RAB27A: variants seen among roughly 807,000 people sequenced by gnomAD.
RAB27A encodes ras-related protein Rab-27A.
In RAB27A, 17 loss-of-function variants were observed where a neutral mutation model predicts 20.8. The ratio of observed to expected loss-of-function variants is 0.82; its 90% CI spans 0.56 to 1.23. RAB27A has a LOEUF of 1.23. Ranked by LOEUF, RAB27A falls within the 50% of genes most tolerant of loss-of-function variation. The pLI is 0.00. For missense variants in RAB27A, 277 were observed against 266.7 expected, an observed-to-expected ratio of 1.04 and a Z score of -0.27; for synonymous variants, 85 against 92.8, an observed-to-expected ratio of 0.92 and a Z score of 0.48.
At chr15:55,291,682 C>T (rs1195329816), upstream of RAB27A, among the ~76,000 whole-genome samples, 1 of 152,156 alleles carries the variant, frequency 6.6e-6, no homozygotes, top group Non-Finnish European at 1.5e-5. Flanking sequence ...GCTTTCCCCA[C>T]TCCTGTGGCC....
chr15:55,293,415 C>A (rs1438904347), upstream of RAB27A, among the ~76,000 whole-genome samples: 2 of 149,334 alleles, frequency 1.3e-5, no homozygotes, highest in African/African-American at 2.5e-5. Context: ...ATGAAATAAG[C>A]AAAGATGCAA....
At chr15:55,209,968 ATG>A (rs1426815405) in intron 6 of RAB27A, among the ~76,000 whole-genome samples, 1 of 137,658 alleles carries the variant, frequency 7.3e-6, no homozygotes, top group Non-Finnish European at 1.6e-5. Flanking sequence ...ATATGTGCGT[ATG>A]TGTGTACATG....
At chr15:55,309,496 G>C (rs1307352797) in intron 2 of RAB27A, among the ~76,000 whole-genome samples, 1 of 152,322 alleles carries the variant, frequency 6.6e-6, no homozygotes, top group Non-Finnish European at 1.5e-5. Flanking sequence ...CCAGGTATGA[G>C]AACTGGCTTA....
chr15:55,302,653 A>C (rs1258819662), intron 2 of RAB27A, among the ~76,000 whole-genome samples: 5 of 92,544 alleles, frequency 5.4e-5, no homozygotes, highest in African/African-American at 1.7e-4. Flanking sequence ...AGCCGCCATC[A>C]CATCTAGGAA....
In RAB27A at chr15:55,299,363, G is replaced by A. The variant is rs182980953; in HGVS notation, c.-112+14676C>T. On this transcript the variant is annotated intron_variant, in intron 2 of 5. Coordinates refer to the RAB27A transcript ENST00000563262. ...AATCCCAGCACTCTGGGAGGCCAAG[G>A]TGGGTGAATCACCTGAGGTCAGGAG... 3.9e-5 allele frequency among the ~76,000 whole-genome samples: 6 copies of A among 152,320 alleles called. No homozygotes were observed. The East Asian group carries it at 9.6e-4, about 24-fold the overall frequency.
chr15:55,246,430 T>A (rs935835291), intron 2 of RAB27A, among the ~76,000 whole-genome samples: 4 of 151,904 alleles, frequency 2.6e-5, no homozygotes, highest in African/African-American at 4.8e-5. Flanking sequence ...CTTTTTTTTT[T>A]AATTTATTGA....
At position 55,205,455 on chromosome 15, in the gene RAB27A, A is replaced by G. The variant is rs570354685; in HGVS notation, c.*52T>C. The G allele has an allele frequency of 3.7e-5, 57 of 1,545,156 alleles. 1 individual carries two copies. In the South Asian group the frequency reaches 6.1e-4, roughly 17 times the overall value. On this transcript the variant is annotated 3_prime_UTR_variant, in exon 7 of 7. Transcript: ENST00000336787. ...TCACTGTGCCATGTATCAATCATAG[A>G]GAAGATCCCAGGCATGGGCCACCTG...
intron 4 of RAB27A, 86 bp from the exon 5 acceptor site, chr15:55,228,798 C>T: frequency 1.1e-6 from 1 of 910,564 alleles, no homozygotes; most frequent in Non-Finnish European, 1.8e-6. Context: ...CAGCCTCTTA[C>T]AAAAGTTTAC....
At chr15:55,231,830 CT>C (rs1896040929) in intron 3 of RAB27A, among the ~76,000 whole-genome samples, 1 of 152,060 alleles carries the variant, frequency 6.6e-6, no homozygotes, top group African/African-American at 2.4e-5. Context: ...TTGTTGAAAA[CT>C]ATCAGCAGTA....
At chr15:55,303,100 G>A (rs1453030877) in intron 2 of RAB27A, among the ~76,000 whole-genome samples, 20 of 129,680 alleles carry the variant, frequency 1.5e-4, no homozygotes, top group African/African-American at 3.2e-4. Flanking sequence ...TCAGCCCCCC[G>A]CCTGGCCAGC....
At chr15:55,249,378 A>C (rs1035925876) in intron 2 of RAB27A, among the ~76,000 whole-genome samples, 2 of 152,116 alleles carry the variant, frequency 1.3e-5, no homozygotes, top group Non-Finnish European at 2.9e-5. Context: ...CAGCTTAAGC[A>C]ATCCTCTCAC....
At chr15:55,226,019 C>T (rs553401346) in intron 5 of RAB27A, among the ~76,000 whole-genome samples, 32 of 152,114 alleles carry the variant, frequency 2.1e-4, no homozygotes, top group African/African-American at 7.0e-4. Flanking sequence ...GTTTTTCAGA[C>T]AGAGAGAATA....
At chr15:55,212,530 A>ATTT in intron 6 of RAB27A, among the ~76,000 whole-genome samples, 1 of 128,754 alleles carries the variant, frequency 7.8e-6, no homozygotes, top group African/African-American at 3.7e-5. Flanking sequence ...AGAGCAACAA[A>ATTT]TCTTTTTTTT....
chr15:55,233,846 TA>T (rs1486200758), intron 3 of RAB27A, among the ~76,000 whole-genome samples: 1 of 152,204 alleles, frequency 6.6e-6, no homozygotes, highest in Non-Finnish European at 1.5e-5. Flanking sequence ...AGTTATACAA[TA>T]AGTAACCAAC....
At chr15:55,258,671 G>A (rs1371348490) in intron 2 of RAB27A, among the ~76,000 whole-genome samples, 1 of 152,198 alleles carries the variant, frequency 6.6e-6, no homozygotes, top group East Asian at 1.9e-4. Flanking sequence ...CCAACATTTG[G>A]TGCTTGTTGT....
chr15:55,262,622 CTTT>C (rs1286984535), intron 2 of RAB27A, among the ~76,000 whole-genome samples: 1 of 123,066 alleles, frequency 8.1e-6, no homozygotes, highest in African/African-American at 3.8e-5. Flanking sequence ...AGTCTTATCT[CTTT>C]TTTTTCTTTT....
At chr15:55,233,818 C>G (rs957941616) in intron 3 of RAB27A, among the ~76,000 whole-genome samples, 3 of 152,086 alleles carry the variant, frequency 2.0e-5, no homozygotes, top group African/African-American at 7.2e-5. Flanking sequence ...AATTATATCT[C>G]AACAAATCTA....
intron 6 of RAB27A, among the ~76,000 whole-genome samples, chr15:55,210,479 G>T (rs1011602653): frequency 6.7e-6 from 1 of 149,720 alleles, no homozygotes; most frequent in Admixed American, 6.6e-5. Flanking sequence ...TTAACTGGAT[G>T]AGAAGTTATC....
chr15:55,209,882 G>GTACACATATA (rs1404704383), intron 6 of RAB27A, among the ~76,000 whole-genome samples: 1,959 of 86,122 alleles, frequency 0.023, 617 homozygotes, highest in African/African-American at 0.14. Flanking sequence ...ATATATGTGT[G>GTACACATATA]TGTATACATA....
Sources: allele counts gnomAD v4.1 joint callset (sites outside exome capture counted in the v4.1 genomes callset), GRCh38; gene constraint gnomAD v4.1.1; transcripts MANE v1.5; gene names NCBI Gene and HGNC (gene_info 2026-07-23, HGNC 2026-07-21).